The following GNAZ variants were observed in gnomAD, a reference collection of about 807,000 sequenced individuals.
The protein encoded by GNAZ is guanine nucleotide-binding protein G(z) subunit alpha.
Under a neutral mutation model 25.4 loss-of-function variants are expected in GNAZ, and 3 were observed. That is an observed-to-expected ratio of 0.12 (90% CI 0.05 to 0.30). The LOEUF (loss-of-function observed/expected upper bound fraction) is 0.30. Among genes scored for constraint, GNAZ ranks in the 10% least tolerant of loss-of-function variants. The pLI, the probability that GNAZ is intolerant of heterozygous loss-of-function variation, is 1.00. For synonymous variants in GNAZ, 211 were observed against 205.7 expected (o/e 1.03, Z -0.22); for missense variants, 241 against 501.8 (o/e 0.48, Z 4.97).
intron 1 of GNAZ, among the ~76,000 whole-genome samples, chr22:23,080,241 G>A (rs2068637720): frequency 6.6e-6 from 1 of 152,214 alleles, no homozygotes; most frequent in Non-Finnish European, 1.5e-5. Context: ...TGTTCCTCAG[G>A]CGACACTATC....
chr22:23,086,154 G>A (rs1222940954), intron 1 of GNAZ, among the ~76,000 whole-genome samples: 4 of 152,350 alleles, frequency 2.6e-5, no homozygotes, highest in East Asian at 3.9e-4. Context: ...AAGTAAAAAA[G>A]GCAGTCAATT....
chr22:23,093,452 C>T (rs1479854359), intron 1 of GNAZ, among the ~76,000 whole-genome samples: 4 of 152,210 alleles, frequency 2.6e-5, no homozygotes, highest in East Asian at 3.8e-4. Context: ...CCTCCTCACC[C>T]GCACTCTGGC....
chr22:23,079,648 G>A (rs964269040), intron 1 of GNAZ, among the ~76,000 whole-genome samples: 1 of 152,196 alleles, frequency 6.6e-6, no homozygotes, highest in African/African-American at 2.4e-5. Flanking sequence ...TGCTGGTGGA[G>A]CACAGGGCAC....
At chr22:23,078,501 G>A (rs774554101) in intron 1 of GNAZ, among the ~76,000 whole-genome samples, 37 of 152,234 alleles carry the variant, frequency 2.4e-4, no homozygotes, top group Non-Finnish European at 4.4e-4. Context: ...CTCTGTCGTG[G>A]CTCCTGGAGT....
At position 23,123,486 on chromosome 22, in the gene GNAZ, C is replaced by A; in HGVS notation, c.*55C>A. The A allele has an allele frequency of 8.4e-7, 1 of 1,189,174 alleles. No homozygotes were observed. Among genetic ancestry groups the A allele is most frequent in the East Asian group, 2.5e-5 (1 of 40,314 alleles). The allele number at this position is 1,189,174 out of a possible 1,614,324, so 73.7% of individuals were successfully genotyped here. On this transcript the variant is annotated 3_prime_UTR_variant, in exon 3 of 3. Coordinates refer to ENST00000615612, the MANE Select transcript of GNAZ (RefSeq NM_002073.4). ...GGTGAAACCCACGGGGTGTCATGCC[C>A]CAACGCGTGCTAGAGAGGCCCAATC...
chr22:23,094,843 G>A (rs2069078122), intron 1 of GNAZ, among the ~76,000 whole-genome samples: 1 of 152,258 alleles, frequency 6.6e-6, no homozygotes, highest in Admixed American at 6.5e-5. Context: ...CTGGGCCGAG[G>A]CCTGGCCACC....
intron 1 of GNAZ, among the ~76,000 whole-genome samples, chr22:23,089,679 C>T (rs995033545): frequency 2.0e-5 from 3 of 152,216 alleles, no homozygotes; most frequent in South Asian, 2.1e-4. Context: ...GCCTGCTGGA[C>T]GGTGGGTGAG....
chr22:23,110,062 C>T (rs1335320188), intron 2 of GNAZ, among the ~76,000 whole-genome samples: 1 of 152,204 alleles, frequency 6.6e-6, no homozygotes, highest in African/African-American at 2.4e-5. Flanking sequence ...CTGTAAGTGA[C>T]CCTGGTCATC....
chr22:23,076,780 GGTAGAGTGGCCT>G (rs1410771210), intron 1 of GNAZ, among the ~76,000 whole-genome samples: 1 of 152,252 alleles, frequency 6.6e-6, no homozygotes, highest in Non-Finnish European at 1.5e-5. Flanking sequence ...ACATGATGAT[GGTAGAGTGGCCT>G]TTCCAGGTGG....
intron 1 of GNAZ, among the ~76,000 whole-genome samples, chr22:23,078,625 C>G (rs1035862412): frequency 7.9e-5 from 12 of 152,234 alleles, no homozygotes; most frequent in Non-Finnish European, 1.3e-4. Context: ...GTGGCCACTG[C>G]GGTCCCCAGG....
chr22:23,089,707 G>A (rs1462588887), intron 1 of GNAZ, among the ~76,000 whole-genome samples: 2 of 152,188 alleles, frequency 1.3e-5, no homozygotes, highest in South Asian at 4.1e-4. Flanking sequence ...GGTCTTGAGG[G>A]GGATGTCCAT....
chr22:23,076,173 TC>T (rs2068501927), intron 1 of GNAZ, among the ~76,000 whole-genome samples: 1 of 152,198 alleles, frequency 6.6e-6, no homozygotes, highest in African/African-American at 2.4e-5. Context: ...AGCGCCATGT[TC>T]CTGACCATGT....
chr22:23,088,314 T>C (rs2068870771), intron 1 of GNAZ, among the ~76,000 whole-genome samples: 1 of 152,142 alleles, frequency 6.6e-6, no homozygotes, highest in Non-Finnish European at 1.5e-5. Flanking sequence ...GGCTTGGGGT[T>C]GGAGCCTTAC....
At chr22:23,079,577 G>A (rs1457604573) in intron 1 of GNAZ, among the ~76,000 whole-genome samples, 1 of 152,188 alleles carries the variant, frequency 6.6e-6, no homozygotes, top group African/African-American at 2.4e-5. Context: ...GAGCAAACAT[G>A]AGAAGGTTTC....
At chr22:23,096,776 C>G (rs1455560700) in intron 2 of GNAZ, among the ~76,000 whole-genome samples, 1 of 152,250 alleles carries the variant, frequency 6.6e-6, no homozygotes, top group Admixed American at 6.5e-5. Context: ...GCAGCCACCC[C>G]TGCAACCCCA....
intron 2 of GNAZ, among the ~76,000 whole-genome samples, chr22:23,107,463 C>T (rs1442221896): frequency 1.3e-5 from 2 of 152,172 alleles, no homozygotes; most frequent in African/African-American, 4.8e-5. Flanking sequence ...AAACCCAGGG[C>T]CTGAGAGTGT....
intron 2 of GNAZ, 35 bp downstream of exon 2, chr22:23,096,453 C>T (rs1373745849): frequency 2.6e-6 from 4 of 1,567,416 alleles, no homozygotes; most frequent in Non-Finnish European, 3.4e-6. Flanking sequence ...CTGCTTGTTC[C>T]TGCTGTCGTG....
chr22:23,078,719 G>A (rs1176821857), intron 1 of GNAZ, among the ~76,000 whole-genome samples: 5 of 152,248 alleles, frequency 3.3e-5, no homozygotes, highest in South Asian at 2.1e-4. Context: ...CAGGAAGAAG[G>A]CCAAGGGTGA....
intron 1 of GNAZ, among the ~76,000 whole-genome samples, chr22:23,087,336 C>T (rs1433849913): frequency 6.6e-6 from 1 of 152,130 alleles, no homozygotes; most frequent in Admixed American, 6.5e-5. Context: ...CGTGGTGGCG[C>T]GTGCCTGCAG....
Sources: gnomAD v4.1 joint callset for allele counts (sites outside exome capture counted in the v4.1 genomes callset) on GRCh38, gnomAD v4.1.1 for gene constraint, MANE v1.5 for transcripts, NCBI Gene and HGNC (gene_info 2026-07-23, HGNC 2026-07-21) for gene names.